DISC1: variants seen among roughly 807,000 people sequenced by gnomAD.
DISC1 encodes DISC1 scaffold protein.
DISC1 carries 57 observed loss-of-function variants against 84.5 expected under a neutral mutation model. The observed-to-expected ratio is 0.67, with a 90% confidence interval of 0.55 to 0.84. The LOEUF is 0.84. DISC1 is among the 40% of genes least tolerant of loss of function. DISC1 has a pLI of 0.00. For synonymous variants in DISC1, 411 were observed against 415.2 expected (o/e 0.99, Z 0.12); for missense variants, 1,000 against 1,057.8 (o/e 0.95, Z 0.76).
intron 9 of DISC1, among the ~76,000 whole-genome samples, chr1:231,888,747 A>G (rs2086975339): frequency 2.1e-5 from 3 of 145,110 alleles, no homozygotes; most frequent in African/African-American, 5.0e-5. Flanking sequence ...CCAAAAAAAA[A>G]AAAAAAAAAA....
intron 10 of DISC1, among the ~76,000 whole-genome samples, chr1:231,995,973 C>T (rs1665899960): frequency 1.3e-5 from 2 of 152,040 alleles, no homozygotes; most frequent in Admixed American, 6.6e-5. Context: ...TAAAAGTGTT[C>T]CTATTTCTCC....
intron 12 of DISC1, among the ~76,000 whole-genome samples, chr1:232,033,042 G>A (rs1448916227): frequency 6.6e-6 from 1 of 152,058 alleles, no homozygotes; most frequent in Non-Finnish European, 1.5e-5. Context: ...ATGAATGCCA[G>A]ACTTATATCT....
intron 11 of DISC1, among the ~76,000 whole-genome samples, chr1:232,010,950 C>G (rs1414030376): frequency 6.6e-6 from 1 of 152,170 alleles, no homozygotes. Flanking sequence ...TGGCCTGCTT[C>G]AGGAAAGAAT....
At chr1:231,958,413 G>C (rs890156384) in intron 9 of DISC1, among the ~76,000 whole-genome samples, 1 of 152,144 alleles carries the variant, frequency 6.6e-6, no homozygotes, top group Non-Finnish European at 1.5e-5. Context: ...TCTACCCCTA[G>C]TGTGGCTCTT....
chr1:231,981,986 C>T (rs75551391), intron 10 of DISC1, among the ~76,000 whole-genome samples: 5,253 of 152,052 alleles, frequency 0.035, 308 homozygotes, highest in African/African-American at 0.12. Context: ...GTTAGAAAGA[C>T]GGTTGGCAAC....
rs139217519 is a variant in DISC1 at position 231,660,117 on chromosome 1, G to C, written c.67+33183G>C. On this transcript the variant is annotated intron_variant, in intron 1 of 12. Coordinates refer to ENST00000439617, the MANE Select transcript of DISC1 (RefSeq NM_018662.3). ...GTGTGGGAGTCTAAGTAGTCTAAGT[G>C]TGTCATTCTTGAAGAACTTGCTTTA... Among the ~76,000 whole-genome samples, 427 of 152,226 alleles carry C rather than the reference G, an allele frequency of 2.8e-3. 7 individuals are homozygous for C. Among genetic ancestry groups the C allele is most frequent in the East Asian group, 9.5e-3 (49 of 5,178 alleles).
At chr1:231,964,318 T>C (rs930159107) in intron 10 of DISC1, among the ~76,000 whole-genome samples, 3 of 152,216 alleles carry the variant, frequency 2.0e-5, no homozygotes, top group Admixed American at 6.5e-5. Flanking sequence ...TCTCTGCCTC[T>C]CCAGCCATGC....
chr1:232,031,013 G>A lies in DISC1; in HGVS notation c.2425+4461G>A, dbSNP rs895844253. 5.9e-5 allele frequency among the ~76,000 whole-genome samples: 9 copies of A among 151,872 alleles called. No homozygotes were observed. Among genetic ancestry groups the A allele is most frequent in the South Asian group, 2.1e-4 (1 of 4,806 alleles). On this transcript the variant is annotated intron_variant, in intron 12 of 12. Coordinates refer to ENST00000439617, the MANE Select transcript of DISC1 (RefSeq NM_018662.3). The surrounding 1 kb of genome is among the most constrained non-coding windows in gnomAD (Gnocchi z 4.6). ...CTGTAGTCCCAGCTACTCCAGAGGC[G>A]TGAGAATTGCTTGAACCCAGGAGGT...
At position 232,009,082 on chromosome 1, in the gene DISC1, C is replaced by T; in HGVS notation, c.2307+33C>T. On this transcript the variant is annotated intron_variant, in intron 11 of 12. Coordinates refer to ENST00000439617, the MANE Select transcript of DISC1 (RefSeq NM_018662.3). This position sits in a 1 kb window ranked among gnomAD's most constrained non-coding sequence, Gnocchi z 4.6. ...CTTTTCACATGGCCTCCAGAGGGGA[C>T]CCTTATTCTAAGGGGTGCTTTGGGA... 6.2e-7 allele frequency: 1 copy of T among 1,613,288 alleles called. No individual in the cohort carries two copies. Among genetic ancestry groups the T allele is most frequent in the Non-Finnish European group, 8.5e-7 (1 of 1,179,604 alleles).
chr1:231,948,846 A>G (rs1202068712), intron 9 of DISC1, among the ~76,000 whole-genome samples: 1 of 122,856 alleles, frequency 8.1e-6, no homozygotes, highest in Non-Finnish European at 1.8e-5. Flanking sequence ...AATCATTTGT[A>G]TTTTTCCTGT....
At chr1:231,926,852 G>A (rs2126094539) in intron 9 of DISC1, among the ~76,000 whole-genome samples, 1 of 152,340 alleles carries the variant, frequency 6.6e-6, no homozygotes, top group East Asian at 1.9e-4. Context: ...TGCTCCCTTT[G>A]TGACCTCCTT....
At chr1:231,864,868 G>A (rs1389648921) in intron 9 of DISC1, among the ~76,000 whole-genome samples, 3 of 152,148 alleles carry the variant, frequency 2.0e-5, no homozygotes, top group Non-Finnish European at 4.4e-5. Flanking sequence ...CTGAATATCA[G>A]ATTACTCCAG....
At chr1:231,799,428 C>G (rs2079009485) in intron 7 of DISC1, among the ~76,000 whole-genome samples, 1 of 152,100 alleles carries the variant, frequency 6.6e-6, no homozygotes, top group South Asian at 2.1e-4. Flanking sequence ...TCACATAGAG[C>G]TCGTATCCCG....
At chr1:231,738,533 A>G (rs1184496210) in intron 3 of DISC1, among the ~76,000 whole-genome samples, 3 of 152,162 alleles carry the variant, frequency 2.0e-5, no homozygotes, top group African/African-American at 7.2e-5. Context: ...GAACCTCTTG[A>G]AAATGATACT....
intron 9 of DISC1, among the ~76,000 whole-genome samples, chr1:231,879,563 A>T (rs962445878): frequency 6.6e-6 from 1 of 151,410 alleles, no homozygotes; most frequent in African/African-American, 2.4e-5. Context: ...GGGGGCTGTG[A>T]TGGTAGGTCA....
intron 9 of DISC1, among the ~76,000 whole-genome samples, chr1:231,887,142 G>A (rs934420843): frequency 2.6e-5 from 4 of 152,090 alleles, no homozygotes; most frequent in Admixed American, 6.5e-5. Flanking sequence ...TTACAGGCGT[G>A]AGCCACCGTG....
rs2087821821 is a variant in DISC1 at position 231,897,764 on chromosome 1, G to A, written c.1982-61064G>A. Among the ~76,000 whole-genome samples the A allele has an allele frequency of 2.0e-5, 3 of 152,172 alleles. No homozygotes were observed. In the South Asian group the frequency reaches 6.2e-4, roughly 32 times the overall value. On this transcript the variant is annotated intron_variant, in intron 9 of 12. Coordinates refer to ENST00000439617, the MANE Select transcript of DISC1 (RefSeq NM_018662.3). This position sits in a 1 kb window ranked among gnomAD's most constrained non-coding sequence, Gnocchi z 4.5. ...ACTGGCATGTTCAAGAACAGATAGA[G>A]CTTTGTCTGTCATTTGCTCTTTTTG...
intron 9 of DISC1, among the ~76,000 whole-genome samples, chr1:231,928,976 A>G (rs1304496111): frequency 6.6e-6 from 1 of 152,186 alleles, no homozygotes; most frequent in African/African-American, 2.4e-5. Context: ...TTTACTTCCA[A>G]TTATGTGGTC....
chr1:231,921,817 T>G (rs1000589010), intron 9 of DISC1, among the ~76,000 whole-genome samples: 65 of 151,150 alleles, frequency 4.3e-4, no homozygotes, highest in African/African-American at 1.5e-3. Context: ...CCTTTTTTTT[T>G]TTTTTTTTTT....
Sources: allele counts gnomAD v4.1 joint callset (sites outside exome capture counted in the v4.1 genomes callset), GRCh38; gene constraint gnomAD v4.1.1; non-coding constraint Gnocchi (gnomAD v3.1); transcripts MANE v1.5; gene names NCBI Gene and HGNC (gene_info 2026-07-23, HGNC 2026-07-21).